LRRC4C: variants seen among roughly 807,000 people sequenced by gnomAD.
LRRC4C encodes leucine rich repeat containing 4C.
A neutral mutation model predicts 33.6 loss-of-function variants in LRRC4C; 5 were observed. That is an observed-to-expected ratio of 0.15 (90% CI 0.08 to 0.31). LRRC4C has a LOEUF of 0.31. Ranked by LOEUF, LRRC4C falls within the 10% of genes least tolerant of loss-of-function variation. The pLI, the probability that LRRC4C is intolerant of heterozygous loss-of-function variation, is 1.00. For synonymous variants in LRRC4C, 329 were observed against 302.0 expected (o/e 1.09, Z -0.93); for missense variants, 560 against 796.7 (o/e 0.70, Z 3.58).
At chr11:41,018,590 G>A (rs558507751) in intron 1 of LRRC4C, among the ~76,000 whole-genome samples, 1 of 152,194 alleles carries the variant, frequency 6.6e-6, no homozygotes, top group African/African-American at 2.4e-5. Flanking sequence ...AGAAATCTGT[G>A]CAATTCCTGT....
intron 3 of LRRC4C, among the ~76,000 whole-genome samples, chr11:40,611,374 A>AT (rs1399336491): frequency 6.6e-6 from 1 of 151,950 alleles, no homozygotes; most frequent in Non-Finnish European, 1.5e-5. Flanking sequence ...ACTCAAATGC[A>AT]TTAAACACTT....
chr11:41,322,920 A>T (rs1327937007), intron 1 of LRRC4C, among the ~76,000 whole-genome samples: 1 of 152,198 alleles, frequency 6.6e-6, no homozygotes, highest in Non-Finnish European at 1.5e-5. Context: ...ACATGCACAC[A>T]CACACATTAT....
intron 1 of LRRC4C, among the ~76,000 whole-genome samples, chr11:41,448,166 A>G (rs1000675006): frequency 2.5e-5 from 2 of 80,568 alleles, no homozygotes; most frequent in African/African-American, 8.7e-5. Context: ...ATCAGTGTCC[A>G]CAGTATTTCT....
chr11:40,992,620 A>G (rs913558709), intron 1 of LRRC4C, among the ~76,000 whole-genome samples: 2 of 152,264 alleles, frequency 1.3e-5, no homozygotes, highest in African/African-American at 2.4e-5. Flanking sequence ...TTTAAAACCA[A>G]TGAAATTACG....
At chr11:40,528,618 T>C (rs1037337577) in intron 3 of LRRC4C, among the ~76,000 whole-genome samples, 11 of 152,130 alleles carry the variant, frequency 7.2e-5, no homozygotes, top group African/African-American at 2.2e-4. Flanking sequence ...TACCATATGA[T>C]ACAGCAATCT....
Position 40,335,856 on chromosome 11 carries a change from A to T in LRRC4C, c.-269-16135T>A, listed in dbSNP as rs1412050623. The stretch of plus-strand genomic sequence containing the variant: ...TGAGTTCTGGACCCAGATAAACTGG[A>T]TTCGAGTCTCTACTCCAACTTTTAC... On this transcript the variant is annotated intron_variant, in intron 3 of 6. Coordinates refer to ENST00000528697, the MANE Select transcript of LRRC4C (RefSeq NM_001258419.2). Among the ~76,000 whole-genome samples the T allele has an allele frequency of 3.9e-5, 6 of 152,314 alleles. No individual in the cohort carries two copies. In the East Asian group the frequency reaches 1.2e-3, roughly 29 times the overall value.
rs1451357918 is a variant in LRRC4C, at chr11:40,356,200, A to G, written c.-269-36479T>C. 2.6e-5 allele frequency among the ~76,000 whole-genome samples: 4 copies of G among 152,250 alleles called. No individual in the cohort carries two copies. In the East Asian group the frequency reaches 5.8e-4, roughly 22 times the overall value. On this transcript the variant is annotated intron_variant, in intron 3 of 6. Transcript: ENST00000528697. The stretch of plus-strand genomic sequence containing the variant: ...TTTCAAAGGCGTAAACACTCCTACC[A>G]GTACCTATTTCATGCTATCAACAGT...
intron 3 of LRRC4C, among the ~76,000 whole-genome samples, chr11:40,333,658 A>G (rs1017093855): frequency 6.9e-6 from 1 of 144,026 alleles, no homozygotes; most frequent in Admixed American, 7.3e-5. Flanking sequence ...CGGAGGTTGC[A>G]GTGAGCTGAC....
chr11:40,493,311 A>G (rs201058381), intron 3 of LRRC4C, among the ~76,000 whole-genome samples: 30 of 152,226 alleles, frequency 2.0e-4, no homozygotes, highest in African/African-American at 7.2e-4. Flanking sequence ...CTTTGTCTAT[A>G]CCTATTCCAA....
At chr11:40,642,180 G>A (rs928706873) in intron 3 of LRRC4C, among the ~76,000 whole-genome samples, 2 of 151,156 alleles carry the variant, frequency 1.3e-5, no homozygotes, top group African/African-American at 4.9e-5. Context: ...TGTGATTTAA[G>A]GCATTTAATT....
At chr11:41,153,138 TC>T (rs1476430556) in intron 1 of LRRC4C, among the ~76,000 whole-genome samples, 2 of 152,120 alleles carry the variant, frequency 1.3e-5, no homozygotes, top group African/African-American at 4.8e-5. Context: ...GGGATTCTCT[TC>T]GCCTCCAAGC....
intron 1 of LRRC4C, among the ~76,000 whole-genome samples, chr11:41,025,420 G>T (rs1856275055): frequency 6.6e-6 from 1 of 151,526 alleles, no homozygotes; most frequent in Non-Finnish European, 1.5e-5. Flanking sequence ...AAGTTTTAGT[G>T]CTCTGTATAA....
chr11:40,355,249 G>T (rs1947604280), intron 3 of LRRC4C, among the ~76,000 whole-genome samples: 1 of 152,140 alleles, frequency 6.6e-6, no homozygotes, highest in Admixed American at 6.5e-5. Flanking sequence ...AAATGAAGAA[G>T]TCTTTCCTGG....
Position 40,995,985 on chromosome 11 carries a change from A to T in LRRC4C, c.-495-62262T>A, listed in dbSNP as rs1054668033. On this transcript the variant is annotated intron_variant, in intron 1 of 6. Coordinates refer to ENST00000528697, the MANE Select transcript of LRRC4C (RefSeq NM_001258419.2). ...AGTATTAGATATTTTTTGATACAGG[A>T]TAGAAAGTCTAAGAAAACTTCACTT... Among the ~76,000 whole-genome samples the T allele has an allele frequency of 8.5e-5, 13 of 152,282 alleles. No individual in the cohort carries two copies. In the East Asian group the frequency reaches 2.5e-3, roughly 29 times the overall value.
chr11:41,007,513 T>A (rs2137474398), intron 1 of LRRC4C, among the ~76,000 whole-genome samples: 1 of 152,210 alleles, frequency 6.6e-6, no homozygotes, highest in East Asian at 1.9e-4. Context: ...AATGTAGCAA[T>A]ACCACTTCTA....
intron 1 of LRRC4C, among the ~76,000 whole-genome samples, chr11:40,990,561 C>A (rs1047850751): frequency 6.6e-6 from 1 of 151,870 alleles, no homozygotes; most frequent in Non-Finnish European, 1.5e-5. Context: ...TAGGGTTCCC[C>A]TAGATCCTCT....
intron 4 of LRRC4C, among the ~76,000 whole-genome samples, chr11:40,243,848 C>G (rs548971389): frequency 6.8e-6 from 1 of 147,472 alleles, no homozygotes; most frequent in African/African-American, 2.5e-5. Context: ...GCCACCACAC[C>G]TGGGTATTTT....
intron 2 of LRRC4C, among the ~76,000 whole-genome samples, chr11:40,846,589 C>T (rs1053950690): frequency 6.7e-6 from 1 of 148,900 alleles, no homozygotes; most frequent in African/African-American, 2.4e-5. Context: ...AGCCTTGTAA[C>T]CTGATGCTTC....
At chr11:41,142,453 A>T (rs1943548531) in intron 1 of LRRC4C, among the ~76,000 whole-genome samples, 1 of 152,216 alleles carries the variant, frequency 6.6e-6, no homozygotes, top group Non-Finnish European at 1.5e-5. Context: ...TACCCAAGTG[A>T]TGCTTACCTG....
Sources: gnomAD v4.1 joint callset for allele counts (sites outside exome capture counted in the v4.1 genomes callset) on GRCh38, gnomAD v4.1.1 for gene constraint, MANE v1.5 for transcripts, NCBI Gene and HGNC (gene_info 2026-07-23, HGNC 2026-07-21) for gene names.